The following IFT27 variants were observed in gnomAD, a reference collection of about 807,000 sequenced individuals.
The protein encoded by IFT27 is intraflagellar transport protein 27 homolog.
A neutral mutation model predicts 23.9 loss-of-function variants in IFT27; 19 were observed. The observed-to-expected ratio is 0.79, with a 90% CI of 0.55 to 1.16. IFT27 has a LOEUF of 1.16. IFT27 is among the 50% of genes most tolerant of loss of function. IFT27 has a pLI of 0.00. For synonymous variants in IFT27, 91 were observed against 89.1 expected (o/e 1.02, Z -0.12); for missense variants, 206 against 228.7 (o/e 0.90, Z 0.64).
intron 1 of IFT27, among the ~76,000 whole-genome samples, chr22:36,775,007 C>T (rs1189022129): frequency 3.3e-5 from 5 of 152,174 alleles, no homozygotes; most frequent in African/African-American, 1.2e-4. Flanking sequence ...AATGTGCATG[C>T]CACATATTCA....
intron 3 of IFT27, 47 bp from the exon 4 acceptor site, chr22:36,766,244 G>A: frequency 6.6e-7 from 1 of 1,519,188 alleles, no homozygotes; most frequent in Non-Finnish European, 9.1e-7. Flanking sequence ...AAAACCACAA[G>A]CTACGAGTCA....
At chr22:36,775,421 TC>T (rs377055836) in intron 1 of IFT27, among the ~76,000 whole-genome samples, 23 of 152,282 alleles carry the variant, frequency 1.5e-4, no homozygotes, top group African/African-American at 5.5e-4. Context: ...TTTTAACGAG[TC>T]ACCTCAACTG....
Position 36,762,983 on chromosome 22 carries a change from G to A in IFT27, c.383C>T (p.Ala128Val). 6.2e-7 allele frequency: 1 copy of A among 1,605,818 alleles called. No homozygotes were observed. The highest frequency in any genetic ancestry group is 8.5e-7 in the Non-Finnish European group (1 of 1,175,276). The part of the protein sequence containing the change: ...GVLVGNKTDL[A>V]GRRAVDSAEA... ...AGCTGAGTCCACTGCTCGTCTGCCGGCCAGGTCTGTCTTGTTCCCAACTAA... is the reference window on the plus strand; with the variant it reads ...AGCTGAGTCCACTGCTCGTCTGCCGACCAGGTCTGTCTTGTTCCCAACTAA... Residue 128 changes from alanine to valine, a missense_variant, in exon 6 of 7, where the codon GCC (alanine) becomes GTC (valine). By Grantham distance (64) the Ala-to-Val change is moderately conservative. Coordinates refer to ENST00000433985, the MANE Select transcript of IFT27 (RefSeq NM_001177701.3).
intron 3 of IFT27, among the ~76,000 whole-genome samples, chr22:36,766,890 C>G (rs918268741): frequency 6.6e-6 from 1 of 151,872 alleles, no homozygotes; most frequent in Non-Finnish European, 1.5e-5. Context: ...TATTGGTTAC[C>G]TGGGAACTCA....
intron 1 of IFT27, chr22:36,772,520 T>C (rs1938407192): frequency 1.0e-6 from 1 of 985,288 alleles, no homozygotes. Flanking sequence ...TTGTTTTCTT[T>C]CTTCTCCAGA....
intron 4 of IFT27, 99 bp from the exon 5 acceptor site, chr22:36,764,135 C>G: frequency 1.3e-6 from 1 of 797,164 alleles, no homozygotes; most frequent in Non-Finnish European, 2.2e-6. Flanking sequence ...GTATGGGGAG[C>G]AGAGGGAAAC....
intron 3 of IFT27, among the ~76,000 whole-genome samples, chr22:36,766,835 C>A: frequency 6.6e-6 from 1 of 152,132 alleles, no homozygotes; most frequent in South Asian, 2.1e-4. Flanking sequence ...GCCTCTGATC[C>A]CTGGCATACA....
intron 2 of IFT27, 129 bp from the exon 3 acceptor site, chr22:36,767,494 T>C (rs1938284538): frequency 1.2e-6 from 1 of 804,900 alleles, no homozygotes; most frequent in African/African-American, 1.7e-5. Flanking sequence ...GGACTCATTC[T>C]TGTGAGAAGC....
Position 36,775,787 on chromosome 22 carries a change from G to T in IFT27, c.-80C>A. ...CGCGAGTGGGTGGGCTTCGGGCCCT[G>T]GGCTGGCCTGGGACGGGAAGGTGGG... On this transcript the variant is annotated 5_prime_UTR_variant, in exon 1 of 7. Transcript: ENST00000433985. The T allele has an allele frequency of 7.0e-7, 1 of 1,425,716 alleles. No individual in the cohort carries two copies. Among genetic ancestry groups the T allele is most frequent in the Non-Finnish European group, 9.9e-7 (1 of 1,009,254 alleles). 88.3% of individuals were successfully genotyped at this position (1,425,716 alleles called of 1,614,324 possible).
At chr22:36,773,407 T>C (rs1464382723) in intron 1 of IFT27, among the ~76,000 whole-genome samples, 3 of 151,498 alleles carry the variant, frequency 2.0e-5, no homozygotes, top group Non-Finnish European at 4.4e-5. Flanking sequence ...ATCCCAGCAC[T>C]TTGGGAGGCC....
At chr22:36,768,061 A>C (rs1337630213) in intron 1 of IFT27, 199 bp from the exon 2 acceptor site, 1 of 692,210 alleles carries the variant, frequency 1.4e-6, no homozygotes, top group Admixed American at 2.0e-5. Context: ...CAACAGCCAG[A>C]GCACACTTCT....
chr22:36,762,077 G>C (rs1456321762), intron 6 of IFT27: 1 of 151,458 alleles, frequency 6.6e-6, no homozygotes, highest in Non-Finnish European at 1.5e-5. Flanking sequence ...TGAGATGGAT[G>C]TTCAGGGCCA....
At chr22:36,766,306 C>G in intron 3 of IFT27, 109 bp from the exon 4 acceptor site, 1 of 848,516 alleles carries the variant, frequency 1.2e-6, no homozygotes, top group Non-Finnish European at 2.0e-6. Context: ...GAAATACAGG[C>G]ACCCACATCT....
intron 1 of IFT27, among the ~76,000 whole-genome samples, chr22:36,771,975 C>T (rs1938395761): frequency 6.6e-6 from 1 of 152,164 alleles, no homozygotes; most frequent in Admixed American, 6.5e-5. Flanking sequence ...AATCCCTTAC[C>T]CCAAATCTGG....
rs1938443207 is a variant in IFT27 at position 36,773,990 on chromosome 22, G to A, written c.34+1684C>T. On this transcript the variant is annotated intron_variant, in intron 1 of 6. Transcript: ENST00000433985. ...GAATTTAAAAAGAACCCAGAGAGAAGCCCATTTAAAAAAAAAAGTAACTTC... is the reference window on the plus strand; with the variant it reads ...GAATTTAAAAAGAACCCAGAGAGAAACCCATTTAAAAAAAAAAGTAACTTC... Among the ~76,000 whole-genome samples the A allele has an allele frequency of 2.6e-5, 4 of 151,898 alleles. 1 individual carries two copies. In the South Asian group the frequency reaches 8.3e-4, roughly 32 times the overall value.
intron 6 of IFT27, chr22:36,762,627 C>A (rs539824539): frequency 6.8e-6 from 2 of 292,492 alleles, no homozygotes; most frequent in East Asian, 1.1e-4. Flanking sequence ...TGCATGCAAA[C>A]GTCGAGGGTC....
chr22:36,763,022 A>G lies in IFT27; in HGVS notation c.353-9T>C, dbSNP rs2145915473. ...GTTCCCAACTAAAACACCTACTCAGAAGAAACAACCAAAATATGGCACTTC... is the reference window on the plus strand; with the variant it reads ...GTTCCCAACTAAAACACCTACTCAGGAGAAACAACCAAAATATGGCACTTC... On this transcript the variant is annotated splice_polypyrimidine_tract_variant and intron_variant, in intron 5 of 6. Coordinates refer to ENST00000433985, the MANE Select transcript of IFT27 (RefSeq NM_001177701.3). 3 of 1,582,666 alleles carry G rather than the reference A, an allele frequency of 1.9e-6. No individual in the cohort carries two copies. The highest frequency in any genetic ancestry group is 1.7e-6 in the Non-Finnish European group (2 of 1,159,634).
chr22:36,771,462 G>C (rs1300137075), intron 1 of IFT27, among the ~76,000 whole-genome samples: 3 of 152,150 alleles, frequency 2.0e-5, no homozygotes, highest in Non-Finnish European at 2.9e-5. Flanking sequence ...GTCTTGCCCT[G>C]AACACAGGGC....
intron 1 of IFT27, among the ~76,000 whole-genome samples, chr22:36,772,044 T>C (rs1006871746): frequency 9.9e-5 from 15 of 152,206 alleles, no homozygotes; most frequent in African/African-American, 3.4e-4. Flanking sequence ...TCCTTCCAGG[T>C]ACCCCTAGAC....
Sources: gnomAD v4.1 joint callset for allele counts (sites outside exome capture counted in the v4.1 genomes callset) on GRCh38, gnomAD v4.1.1 for gene constraint, MANE v1.5 for transcripts, NCBI Gene and HGNC (gene_info 2026-07-23, HGNC 2026-07-21) for gene names.